The following NUP62CL variants were observed in gnomAD, a reference collection of about 807,000 sequenced individuals.
NUP62CL encodes the protein nucleoporin 62 C-terminal like.
A neutral mutation model predicts 15.3 loss-of-function variants in NUP62CL; 13 were observed. The observed-to-expected ratio is 0.85, with a 90% confidence interval of 0.55 to 1.35. The LOEUF is 1.35. Ranked by LOEUF, NUP62CL falls within the 40% of genes most tolerant of loss-of-function variation. The pLI is 0.00. For synonymous variants in NUP62CL, 54 were observed against 49.2 expected (o/e 1.10, Z -0.41); for missense variants, 123 against 130.6 (o/e 0.94, Z 0.28).
At position 107,132,078 on chromosome X, in the gene NUP62CL, C is replaced by T. The variant is rs766848828; in HGVS notation, c.*43-7746G>A. ...GTAGCTTTCTACATGAAAATGAAGA[C>T]GAAGAAGTGGTAGCTTCAGCCCCAG... On this transcript the variant is annotated intron_variant, in intron 8 of 8. Transcript: ENST00000372466. The T allele has an allele frequency of 4.0e-5, 46 of 1,140,838 alleles. No homozygotes were observed. The African/African-American group carries it at 5.7e-4, about 14-fold the overall frequency. The allele number at this position is 1,140,838 out of a possible 1,213,427, so 94.0% of individuals were successfully genotyped here.
At chrX:107,165,135 A>G (rs1926484211) in intron 4 of NUP62CL, among the ~76,000 whole-genome samples, 1 of 109,856 alleles carries the variant, frequency 9.1e-6, no homozygotes, top group Non-Finnish European at 1.9e-5. Context: ...AAAACAAAAA[A>G]ACAAAAAACA....
intron 7 of NUP62CL, among the ~76,000 whole-genome samples, chrX:107,152,155 T>TATATATATATATTCAG (rs1372467466): frequency 0.01 from 711 of 67,765 alleles, 3 homozygotes; most frequent in East Asian, 0.02. Context: ...TATTCAGATA[T>TATATATATATATTCAG]ATATATATAT....
intron 1 of NUP62CL, among the ~76,000 whole-genome samples, chrX:107,201,926 A>T (rs775241453): frequency 5.4e-5 from 6 of 111,241 alleles, no homozygotes; most frequent in Non-Finnish European, 1.1e-4. Context: ...CAGCAGAGTG[A>T]GACCCTATCT....
At chrX:107,184,368 T>C (rs777360245) in intron 2 of NUP62CL, among the ~76,000 whole-genome samples, 65 of 107,472 alleles carry the variant, frequency 6.0e-4, no homozygotes, top group African/African-American at 2.0e-3. Flanking sequence ...ACTAATTAAT[T>C]ATTGGTAAAG....
At chrX:107,128,156 G>A (rs1478585578) in intron 8 of NUP62CL, among the ~76,000 whole-genome samples, 1 of 112,321 alleles carries the variant, frequency 8.9e-6, no homozygotes, top group African/African-American at 3.2e-5. Context: ...CAGTAATCAT[G>A]GATGTACACC....
At chrX:107,154,791 G>C (rs1926134846) in intron 4 of NUP62CL, among the ~76,000 whole-genome samples, 1 of 111,785 alleles carries the variant, frequency 8.9e-6, no homozygotes, top group South Asian at 3.8e-4. Flanking sequence ...CCTCTGCTGG[G>C]GTAGTGTCAG....
intron 2 of NUP62CL, among the ~76,000 whole-genome samples, chrX:107,190,037 C>T (rs1927203012): frequency 9.0e-6 from 1 of 110,846 alleles, no homozygotes; most frequent in African/African-American, 3.3e-5. Flanking sequence ...CTATATGGTC[C>T]ACTGTATATA....
At chrX:107,205,699 C>G (rs1160038790) in intron 1 of NUP62CL, among the ~76,000 whole-genome samples, 2 of 111,314 alleles carry the variant, frequency 1.8e-5, no homozygotes, top group Non-Finnish European at 3.8e-5. Context: ...CCCCCCGCCG[C>G]CCCTTTGTTT....
At chrX:107,137,248 A>G (rs1054027167) in intron 8 of NUP62CL, among the ~76,000 whole-genome samples, 4 of 111,300 alleles carry the variant, frequency 3.6e-5, no homozygotes, top group Non-Finnish European at 7.5e-5. Context: ...TCAACTTGAT[A>G]AAGGGCGTCT....
At chrX:107,134,998 C>T in intron 8 of NUP62CL, among the ~76,000 whole-genome samples, 1 of 111,830 alleles carries the variant, frequency 8.9e-6, no homozygotes, top group Non-Finnish European at 1.9e-5. Flanking sequence ...GCCTCGGCCT[C>T]CCAAGTAGCT....
intron 3 of NUP62CL, among the ~76,000 whole-genome samples, chrX:107,170,756 T>C (rs763861510): frequency 1.4e-4 from 16 of 112,237 alleles, no homozygotes; most frequent in African/African-American, 5.2e-4. Flanking sequence ...TCTTTCATGC[T>C]ATTTTTAAAG....
intron 8 of NUP62CL, among the ~76,000 whole-genome samples, chrX:107,129,370 G>C (rs1209558867): frequency 3.6e-5 from 4 of 111,883 alleles, no homozygotes; most frequent in Non-Finnish European, 1.9e-5. Flanking sequence ...TTCCTTTGGA[G>C]AGGGTGAACC....
chrX:107,175,268 G>A lies in NUP62CL; in HGVS notation c.-47-75C>T, dbSNP rs1926756950. 5.9e-6 allele frequency: 3 copies of A among 506,088 alleles called. No homozygotes were observed. In the Admixed American group the frequency reaches 9.8e-5, roughly 16 times the overall value. The allele number at this position is 506,088 out of a possible 1,213,427, so 41.7% of individuals were successfully genotyped here. ...TAAAAGTAAAACAACATTATGACAAGGTTCATTAATATGGAGAAATAAAAA... is the reference window on the plus strand; with the variant it reads ...TAAAAGTAAAACAACATTATGACAAAGTTCATTAATATGGAGAAATAAAAA... On this transcript the variant is annotated intron_variant, in intron 2 of 8. Coordinates refer to ENST00000372466, the MANE Select transcript of NUP62CL (RefSeq NM_017681.3).
chrX:107,181,636 T>C (rs749360936), intron 2 of NUP62CL, among the ~76,000 whole-genome samples: 21 of 111,566 alleles, frequency 1.9e-4, no homozygotes, highest in African/African-American at 6.5e-4. Context: ...TTCCTTCCTT[T>C]CCTTCCCCCA....
At chrX:107,148,308 A>C (rs1270080410) in intron 7 of NUP62CL, among the ~76,000 whole-genome samples, 1 of 111,885 alleles carries the variant, frequency 8.9e-6, no homozygotes, top group Non-Finnish European at 1.9e-5. Flanking sequence ...CTTTTGACTC[A>C]GTCAGTATAT....
At chrX:107,203,764 G>A (rs574916571) in intron 1 of NUP62CL, among the ~76,000 whole-genome samples, 8 of 111,457 alleles carry the variant, frequency 7.2e-5, no homozygotes, top group African/African-American at 2.6e-4. Flanking sequence ...AAAAACATGG[G>A]TACATGTGGA....
chrX:107,193,690 A>C (rs1247912885), intron 1 of NUP62CL, among the ~76,000 whole-genome samples: 1 of 100,300 alleles, frequency 1.0e-5, no homozygotes, highest in African/African-American at 3.6e-5. Flanking sequence ...ACATATAGTC[A>C]AAAAAAAAAA....
intron 1 of NUP62CL, among the ~76,000 whole-genome samples, chrX:107,198,639 A>G (rs1484766085): frequency 9.0e-6 from 1 of 111,247 alleles, no homozygotes; most frequent in Non-Finnish European, 1.9e-5. Flanking sequence ...TCCTGAAGCC[A>G]GCAAGACCAC....
chrX:107,174,204 T>C, intron 3 of NUP62CL, among the ~76,000 whole-genome samples: 1 of 100,759 alleles, frequency 9.9e-6, no homozygotes, highest in Admixed American at 1.1e-4. Context: ...CAGGCTGGAG[T>C]GCAGTGGTGC....
Sources: gnomAD v4.1 joint callset for allele counts (sites outside exome capture counted in the v4.1 genomes callset) on GRCh38, gnomAD v4.1.1 for gene constraint, MANE v1.5 for transcripts, NCBI Gene and HGNC (gene_info 2026-07-23, HGNC 2026-07-21) for gene names.